Variants in QTMAN observed in about 807,000 individuals in gnomAD.
QTMAN encodes the protein tRNA-queuosine alpha-mannosyltransferase.
At chr2:144,169,243 T>C in the QTMAN span, among the ~76,000 whole-genome samples, 3 of 152,170 alleles carry the variant, frequency 2.0e-5, no homozygotes, top group South Asian at 4.1e-4. Flanking sequence ...GAGATATCTA[T>C]GTGCAGCCAT....
the QTMAN span, among the ~76,000 whole-genome samples, chr2:143,947,938 G>A: frequency 4.6e-5 from 7 of 152,246 alleles, no homozygotes; most frequent in South Asian, 1.5e-3. Flanking sequence ...GAGAGAGAAA[G>A]AGTGAGAGAC....
At chr2:143,958,053 A>C in the QTMAN span, among the ~76,000 whole-genome samples, 2 of 152,094 alleles carry the variant, frequency 1.3e-5, no homozygotes, top group South Asian at 4.1e-4. Flanking sequence ...ATTCCTTCTT[A>C]ATCTAATTTT....
At chr2:144,176,438 AG>A in the QTMAN span, among the ~76,000 whole-genome samples, 9 of 152,188 alleles carry the variant, frequency 5.9e-5, no homozygotes, top group African/African-American at 2.2e-4. Context: ...GTCAGCTACA[AG>A]ACAAAAAGTC....
the QTMAN span, among the ~76,000 whole-genome samples, chr2:144,332,070 G>A: frequency 2.6e-5 from 4 of 152,202 alleles, no homozygotes; most frequent in Non-Finnish European, 5.9e-5. Context: ...CAGCCTGCGC[G>A]AGGAAGAAGC....
At chr2:144,284,368 T>C in the QTMAN span, among the ~76,000 whole-genome samples, 1 of 152,068 alleles carries the variant, frequency 6.6e-6, no homozygotes, top group Admixed American at 6.5e-5. Flanking sequence ...ATGATACACC[T>C]ACATGATATA....
chr2:143,974,734 T>C, the QTMAN span, among the ~76,000 whole-genome samples: 82 of 152,282 alleles, frequency 5.4e-4, no homozygotes, highest in East Asian at 0.014. Context: ...TTTTCTATTG[T>C]TTCTTTAATA....
the QTMAN span, among the ~76,000 whole-genome samples, chr2:143,950,323 T>C: frequency 1.3e-5 from 2 of 151,894 alleles, no homozygotes; most frequent in African/African-American, 4.8e-5. Context: ...CCATTCTTTT[T>C]TTCAGAAGCT....
the QTMAN span, among the ~76,000 whole-genome samples, chr2:144,188,577 G>A: frequency 6.6e-6 from 1 of 152,048 alleles, no homozygotes; most frequent in Admixed American, 6.6e-5. Flanking sequence ...ATGGATGGAT[G>A]GGTGATGGAC....
the QTMAN span, among the ~76,000 whole-genome samples, chr2:144,016,066 A>C: frequency 1.3e-5 from 2 of 152,156 alleles, no homozygotes; most frequent in Non-Finnish European, 2.9e-5. Context: ...TACATTCCCT[A>C]GTCAGTCAGT....
At chr2:144,270,201 T>C in the QTMAN span, among the ~76,000 whole-genome samples, 1 of 152,190 alleles carries the variant, frequency 6.6e-6, no homozygotes, top group African/African-American at 2.4e-5. Flanking sequence ...TTTTACACTG[T>C]TGGTGGGAGT....
chr2:144,295,419 T>C, the QTMAN span: 1 of 152,192 alleles, frequency 6.6e-6, no homozygotes, highest in Non-Finnish European at 1.5e-5. Flanking sequence ...GCTAAATAAA[T>C]ATTTGTTGAA....
At chr2:144,178,987 T>A in the QTMAN span, 1 of 467,710 alleles carries the variant, frequency 2.1e-6, no homozygotes. Context: ...TTAGAGAAAC[T>A]CGTTACTTTC....
At chr2:144,044,444 G>A in the QTMAN span, among the ~76,000 whole-genome samples, 1 of 151,968 alleles carries the variant, frequency 6.6e-6, no homozygotes, top group African/African-American at 2.4e-5. Flanking sequence ...ATTTGAGGAG[G>A]GCCATGCTTC....
At chr2:144,310,021 G>T in the QTMAN span, among the ~76,000 whole-genome samples, 3 of 112,312 alleles carry the variant, frequency 2.7e-5, no homozygotes, top group East Asian at 5.2e-4. Flanking sequence ...AAAGAAAAAG[G>T]TCATAAAAAG....
the QTMAN span, among the ~76,000 whole-genome samples, chr2:144,099,051 A>G: frequency 2.0e-5 from 3 of 152,328 alleles, no homozygotes; most frequent in African/African-American, 4.8e-5. Context: ...TAAGCACCTA[A>G]CAATCAAATG....
At chr2:144,215,283 CACACACACACACACATATATATATAT>C in the QTMAN span, among the ~76,000 whole-genome samples, 3 of 149,812 alleles carry the variant, frequency 2.0e-5, no homozygotes, top group Non-Finnish European at 3.0e-5. Context: ...TACACACACA[CACACACACACACACATATATATATAT>C]ACACACACAC....
the QTMAN span, among the ~76,000 whole-genome samples, chr2:144,117,595 C>A: frequency 6.6e-6 from 1 of 152,042 alleles, no homozygotes; most frequent in African/African-American, 2.4e-5. Context: ...GAGTGATAAA[C>A]ATTGTAATTC....
At chr2:144,050,826 TTATAC>T in the QTMAN span, among the ~76,000 whole-genome samples, 10 of 152,232 alleles carry the variant, frequency 6.6e-5, no homozygotes, top group South Asian at 2.1e-3. Context: ...TAAATAGTTG[TTATAC>T]TATATTTTTT....
At chr2:144,163,448 TCTC>T in the QTMAN span, among the ~76,000 whole-genome samples, 91 of 152,306 alleles carry the variant, frequency 6.0e-4, no homozygotes, top group African/African-American at 2.2e-3. Context: ...CCTTATAAAA[TCTC>T]CTAAAGTTAG....
Sources: allele counts gnomAD v4.1 joint callset (sites outside exome capture counted in the v4.1 genomes callset), GRCh38; gene constraint gnomAD v4.1.1; transcripts MANE v1.5; gene names NCBI Gene and HGNC (gene_info 2026-07-23, HGNC 2026-07-21).